ZFAT: variants seen among roughly 807,000 people sequenced by gnomAD.
The protein encoded by ZFAT is zinc finger protein ZFAT.
A neutral mutation model predicts 117.7 loss-of-function variants in ZFAT; 64 were observed. The ratio of observed to expected loss-of-function variants is 0.54; its 90% confidence interval spans 0.44 to 0.67. ZFAT has a LOEUF of 0.67. ZFAT is among the 30% of genes least tolerant of loss of function. The pLI is 0.00. For missense variants in ZFAT, 1,433 were observed against 1,584.5 expected (o/e 0.90, Z 1.62); for synonymous variants, 679 against 615.0 (o/e 1.10, Z -1.54).
At chr8:134,721,048 C>T in the ZFAT span, among the ~76,000 whole-genome samples, 3 of 152,216 alleles carry the variant, frequency 2.0e-5, no homozygotes, top group Non-Finnish European at 2.9e-5. Context: ...TGAGCTCATC[C>T]ATCCCGGCCT....
intron 1 of ZFAT, among the ~76,000 whole-genome samples, chr8:134,669,039 A>T (rs1353844546): frequency 6.6e-6 from 1 of 152,208 alleles, no homozygotes; most frequent in Non-Finnish European, 1.5e-5. Context: ...AAGTGAGAAG[A>T]GAAATTTAGA....
chr8:134,590,962 G>A (rs1586767680), intron 7 of ZFAT, among the ~76,000 whole-genome samples: 1 of 152,208 alleles, frequency 6.6e-6, no homozygotes, highest in East Asian at 1.9e-4. Flanking sequence ...AGCCTGGGGA[G>A]CTCGAGAGTA....
chr8:134,621,809 C>T (rs1829133348), intron 3 of ZFAT, among the ~76,000 whole-genome samples: 1 of 152,198 alleles, frequency 6.6e-6, no homozygotes, highest in Admixed American at 6.5e-5. Flanking sequence ...CTGGAAACAG[C>T]ATTAAAACTA....
At chr8:134,620,835 A>G (rs1188260721) in intron 3 of ZFAT, among the ~76,000 whole-genome samples, 2 of 152,208 alleles carry the variant, frequency 1.3e-5, no homozygotes, top group Non-Finnish European at 2.9e-5. Flanking sequence ...GATGTCTTTT[A>G]ACAAACACAT....
intron 14 of ZFAT, chr8:134,510,174 C>T: frequency 2.2e-6 from 1 of 456,266 alleles, no homozygotes; most frequent in Non-Finnish European, 4.4e-6. Flanking sequence ...CCAAGAAATT[C>T]CACAAGTTAT....
chr8:134,832,014 C>A, the ZFAT span, among the ~76,000 whole-genome samples: 1 of 149,936 alleles, frequency 6.7e-6, no homozygotes, highest in Non-Finnish European at 1.5e-5. Context: ...GCGAGGAGGC[C>A]GCCGGCCCGC....
intron 1 of ZFAT, among the ~76,000 whole-genome samples, chr8:134,682,664 A>AT (rs1833126635): frequency 6.6e-6 from 1 of 152,190 alleles, no homozygotes; most frequent in African/African-American, 2.4e-5. Context: ...CAAAAATAAA[A>AT]TAAAATTAAA....
At position 134,601,949 on chromosome 8, in the gene ZFAT, T is replaced by C. The variant is rs748669726; in HGVS notation, c.1770A>G (p.Gln590=). The C allele has an allele frequency of 6.2e-7, 1 of 1,614,088 alleles. No homozygotes were observed. The highest frequency in any genetic ancestry group is 1.7e-5 in the Admixed American group (1 of 60,030). ...ACAAAAAATCATCTGAAACCACCTC[T>C]TGAGAATGCAGGTCTGAGGAGGAGA... ...TVVSSSDLHS[Q]EVVSDDFLLK... Residue 590 remains glutamine, a synonymous_variant, in exon 6 of 16, where the codon CAA becomes CAG. Coordinates refer to ENST00000377838, the MANE Select transcript of ZFAT (RefSeq NM_020863.4).
chr8:134,611,532 C>CG (rs1413466801), intron 3 of ZFAT, among the ~76,000 whole-genome samples: 1 of 152,050 alleles, frequency 6.6e-6, no homozygotes, highest in Non-Finnish European at 1.5e-5. Flanking sequence ...TTTGGGGAAT[C>CG]GGGGGTGAAA....
At chr8:134,568,483 G>C (rs937782234) in intron 10 of ZFAT, among the ~76,000 whole-genome samples, 6 of 152,200 alleles carry the variant, frequency 3.9e-5, no homozygotes, top group Admixed American at 3.9e-4. Context: ...CCACTAGAGT[G>C]GGGGAAGCAG....
At chr8:134,771,667 C>T in the ZFAT span, among the ~76,000 whole-genome samples, 55 of 152,326 alleles carry the variant, frequency 3.6e-4, 1 homozygote, top group South Asian at 0.011. Context: ...CAAACTGTTC[C>T]AATCCCTGCC....
chr8:134,543,046 G>A (rs908233676), intron 11 of ZFAT, among the ~76,000 whole-genome samples: 1 of 151,070 alleles, frequency 6.6e-6, no homozygotes, highest in Non-Finnish European at 1.5e-5. Context: ...CAGAAGAAGA[G>A]ATGGGATCAT....
chr8:134,668,630 A>T (rs1832380774), intron 1 of ZFAT, among the ~76,000 whole-genome samples: 6 of 152,266 alleles, frequency 3.9e-5, no homozygotes, highest in African/African-American at 1.2e-4. Flanking sequence ...GACCAAAGGT[A>T]GATAAAACCA....
upstream of ZFAT, among the ~76,000 whole-genome samples, chr8:134,715,995 C>G (rs929762517): frequency 1.3e-5 from 2 of 152,064 alleles, no homozygotes; most frequent in Non-Finnish European, 2.9e-5. Context: ...GGCATGGTGG[C>G]TCATGCCTGT....
chr8:134,652,489 C>G lies in ZFAT; in HGVS notation c.196+5072G>C, dbSNP rs550821541. Among the ~76,000 whole-genome samples the G allele has an allele frequency of 2.6e-5, 4 of 152,306 alleles. No homozygotes were observed. The East Asian group carries it at 7.7e-4, about 29-fold the overall frequency. On this transcript the variant is annotated intron_variant, in intron 2 of 15. Transcript: ENST00000377838. ...GTAGCTAAATCTAAATGAACACTTA[C>G]TGTATAAAATAATCATTATCATGCA...
At chr8:134,544,687 GAAAGT>G (rs1490732455) in intron 11 of ZFAT, among the ~76,000 whole-genome samples, 7 of 152,190 alleles carry the variant, frequency 4.6e-5, no homozygotes, top group African/African-American at 1.7e-4. Flanking sequence ...GATAGTAAAA[GAAAGT>G]AAAGAAATCC....
At chr8:134,569,366 A>C (rs570723043) in intron 10 of ZFAT, among the ~76,000 whole-genome samples, 1 of 152,288 alleles carries the variant, frequency 6.6e-6, no homozygotes, top group Admixed American at 6.5e-5. Flanking sequence ...ACCCCCATTC[A>C]CAGCCACATA....
At chr8:134,644,255 A>C (rs976819897) in intron 2 of ZFAT, among the ~76,000 whole-genome samples, 2 of 152,162 alleles carry the variant, frequency 1.3e-5, no homozygotes, top group African/African-American at 4.8e-5. Context: ...ATGACTAAAG[A>C]GATGGAAAGG....
chr8:134,610,113 GAC>G (rs2130967290), intron 4 of ZFAT, among the ~76,000 whole-genome samples: 1 of 152,350 alleles, frequency 6.6e-6, no homozygotes, highest in African/African-American at 2.4e-5. Context: ...TCACATGCAG[GAC>G]AGCATGGCTG....
Sources: gnomAD v4.1 joint callset for allele counts (sites outside exome capture counted in the v4.1 genomes callset) on GRCh38, gnomAD v4.1.1 for gene constraint, MANE v1.5 for transcripts, NCBI Gene and HGNC (gene_info 2026-07-23, HGNC 2026-07-21) for gene names.